The following IFT74 variants were observed in gnomAD, a reference collection of about 807,000 sequenced individuals.
IFT74 encodes intraflagellar transport protein 74 homolog.
Under a neutral mutation model 96.7 loss-of-function variants are expected in IFT74, and 92 were observed. The ratio of observed to expected loss-of-function variants is 0.95; its 90% CI spans 0.80 to 1.13. IFT74 has a LOEUF of 1.13. IFT74 is among the 50% of genes most tolerant of loss of function. The pLI, the probability that IFT74 is intolerant of heterozygous loss-of-function variation, is 0.00. For synonymous variants in IFT74, 223 were observed against 213.2 expected, an observed-to-expected ratio of 1.05 and a Z score of -0.40; for missense variants, 811 against 698.2, an observed-to-expected ratio of 1.16 and a Z score of -1.82.
upstream of IFT74, among the ~76,000 whole-genome samples, chr9:26,951,663 C>G (rs188428786): frequency 1.3e-4 from 20 of 152,316 alleles, no homozygotes; most frequent in East Asian, 3.7e-3. Flanking sequence ...CTTTGGGAGA[C>G]TGAGGCAGGT....
chr9:26,992,175 C>A (rs1012822895), intron 8 of IFT74, among the ~76,000 whole-genome samples: 1 of 152,104 alleles, frequency 6.6e-6, no homozygotes, highest in Admixed American at 6.5e-5. Context: ...ATTATATTTA[C>A]ATATTTTACA....
intron 18 of IFT74, among the ~76,000 whole-genome samples, chr9:27,058,054 A>C (rs1820247243): frequency 6.6e-6 from 1 of 151,680 alleles, no homozygotes; most frequent in Admixed American, 6.6e-5. Context: ...CATGCTATTC[A>C]TACAGTCTTT....
At chr9:27,009,567 A>T (rs931206693) in intron 9 of IFT74, among the ~76,000 whole-genome samples, 1 of 152,110 alleles carries the variant, frequency 6.6e-6, no homozygotes, top group African/African-American at 2.4e-5. Flanking sequence ...GCAGTTACAG[A>T]CTTTTAATGC....
chr9:27,030,313 G>T (rs368958978), intron 13 of IFT74, among the ~76,000 whole-genome samples: 22 of 152,178 alleles, frequency 1.4e-4, no homozygotes, highest in African/African-American at 4.3e-4. Flanking sequence ...TGCAACCTCA[G>T]ACTCTTGGGT....
At chr9:26,970,776 G>A (rs977976695) in intron 2 of IFT74, among the ~76,000 whole-genome samples, 6 of 152,168 alleles carry the variant, frequency 3.9e-5, no homozygotes, top group African/African-American at 7.2e-5. Context: ...TGGCCCCTAT[G>A]CTCAAAATAA....
At chr9:26,982,125 A>G (rs1827406518) in intron 4 of IFT74, among the ~76,000 whole-genome samples, 1 of 152,110 alleles carries the variant, frequency 6.6e-6, no homozygotes, top group African/African-American at 2.4e-5. Context: ...TACTCATATC[A>G]TTAAAATGTT....
intron 9 of IFT74, among the ~76,000 whole-genome samples, chr9:27,011,201 G>A (rs1440467428): frequency 1.3e-5 from 2 of 152,070 alleles, no homozygotes; most frequent in Non-Finnish European, 2.9e-5. Flanking sequence ...GCAGTGAGCC[G>A]AGATCATGCC....
chr9:26,979,729 T>TTTC (rs1177193874), intron 3 of IFT74, among the ~76,000 whole-genome samples: 2 of 146,844 alleles, frequency 1.4e-5, no homozygotes, highest in African/African-American at 5.1e-5. Context: ...TTTTTTTTTT[T>TTTC]TGAGATGGGG....
chr9:26,985,927 T>C (rs79059133), intron 6 of IFT74, among the ~76,000 whole-genome samples: 6,134 of 152,292 alleles, frequency 0.04, 206 homozygotes, highest in South Asian at 0.13. Context: ...TAACATGATA[T>C]AGTTCCACTA....
At chr9:26,953,747 T>G (rs1826002914), upstream of IFT74, among the ~76,000 whole-genome samples, 1 of 152,218 alleles carries the variant, frequency 6.6e-6, no homozygotes, top group African/African-American at 2.4e-5. Context: ...CTGGCCTTAG[T>G]GACCCTCCTG....
At chr9:27,017,175 T>C (rs2131618385) in intron 11 of IFT74, 125 bp downstream of exon 11, 4 of 571,172 alleles carry the variant, frequency 7.0e-6, no homozygotes, top group East Asian at 3.2e-5. Context: ...AAATAGTTTA[T>C]GTGAAGAAAT....
intron 2 of IFT74, among the ~76,000 whole-genome samples, chr9:26,973,790 G>C (rs763190927): frequency 6.6e-6 from 1 of 152,150 alleles, no homozygotes; most frequent in Non-Finnish European, 1.5e-5. Flanking sequence ...AAACAGAGGA[G>C]TGAGACACTC....
intron 12 of IFT74, among the ~76,000 whole-genome samples, chr9:27,025,443 C>CAA (rs57335230): frequency 0.013 from 1,032 of 77,614 alleles, 14 homozygotes; most frequent in Non-Finnish European, 0.013. Context: ...ACTCCATCTC[C>CAA]AAAAAAAAAA....
At position 27,044,760 on chromosome 9, in the gene IFT74, A is replaced by G; in HGVS notation, c.1073A>G (p.Tyr358Cys). The change falls in exon 14 of 20, where the codon TAC becomes TGC. Residue 358 changes from tyrosine (Y) to cysteine (C), a missense_variant. Transcript: ENST00000380062. ...CTCATAGGTGAAATGAACCAGAAAT[A>G]CAAGGAGCTAAAGAAAAGGGAGGAA... is the stretch of plus-strand genomic sequence containing the variant. ...EEHQGEMNQKYKELKKREEHM... is the reference protein window; with the variant it reads ...EEHQGEMNQKCKELKKREEHM... The G allele has an allele frequency of 2.6e-6, 4 of 1,568,072 alleles. No individual in the cohort carries two copies. Among genetic ancestry groups the G allele is most frequent in the Non-Finnish European group, 3.5e-6 (4 of 1,147,096 alleles).
chr9:27,029,133 A>C (rs1244872758), intron 13 of IFT74, 29 bp downstream of exon 13: 2 of 1,532,482 alleles, frequency 1.3e-6, no homozygotes, highest in African/African-American at 2.8e-5. Flanking sequence ...TATAATGTAG[A>C]TTAACAGATG....
At chr9:26,958,467 C>T (rs1396762263) in intron 1 of IFT74, among the ~76,000 whole-genome samples, 6 of 152,056 alleles carry the variant, frequency 3.9e-5, no homozygotes, top group African/African-American at 1.5e-4. Flanking sequence ...CTGAATTGGC[C>T]AGTGCTGTAG....
chr9:26,991,302 C>T (rs1827854776), intron 8 of IFT74, among the ~76,000 whole-genome samples: 1 of 152,174 alleles, frequency 6.6e-6, no homozygotes. Flanking sequence ...TGGCTCACTG[C>T]AGCCTTGAAC....
At chr9:27,036,524 G>T in intron 13 of IFT74, 1 of 1,613,366 alleles carries the variant, frequency 6.2e-7, no homozygotes, top group Non-Finnish European at 8.5e-7. Context: ...AACCTGCCAT[G>T]TGCTAAGCAC....
rs1820162828 is a variant in IFT74 at position 27,056,451 on chromosome 9, C to T, written c.1615C>T (p.His539Tyr). Residue 539 changes from histidine (H) to tyrosine (Y), a missense_variant, in exon 18 of 20, where the codon CAT becomes TAT. Coordinates refer to ENST00000380062, the MANE Select transcript of IFT74 (RefSeq NM_025103.4). ...AACACAATTGCAAGAAAATGAGACA[C>T]ATTCTCAGGTAAAAAATGTTTTAAA... is the stretch of plus-strand genomic sequence containing the variant. ...LKTQLQENET[H>Y]SQLTNLERKW... is the part of the protein sequence containing the mutation. The T allele has an allele frequency of 1.3e-6, 2 of 1,591,846 alleles. No homozygotes were observed. Among genetic ancestry groups the T allele is most frequent in the Admixed American group, 1.8e-5 (1 of 55,134 alleles).
Sources: gnomAD v4.1 joint callset for allele counts (sites outside exome capture counted in the v4.1 genomes callset) on GRCh38, gnomAD v4.1.1 for gene constraint, MANE v1.5 for transcripts, NCBI Gene and HGNC (gene_info 2026-07-23, HGNC 2026-07-21) for gene names.